Variants in LCORL observed in about 807,000 individuals in gnomAD.
The protein encoded by LCORL is ligand-dependent nuclear receptor corepressor-like protein.
A neutral mutation model predicts 141.8 loss-of-function variants in LCORL; 41 were observed. The ratio of observed to expected loss-of-function variants is 0.29; its 90% CI spans 0.23 to 0.38. The LOEUF (loss-of-function observed/expected upper bound fraction) is 0.38. LCORL is among the 10% of genes least tolerant of loss of function. The probability of loss-of-function intolerance (pLI) is 1.00; values close to 1 mark genes in which losing one functional copy is unlikely to be tolerated. For missense variants in LCORL, 1,759 were observed against 2,035.0 expected (o/e 0.86, Z 2.61); for synonymous variants, 618 against 694.1 (o/e 0.89, Z 1.72).
chr4:18,017,584 A>G (rs1445033319), intron 1 of LCORL, among the ~76,000 whole-genome samples: 2 of 152,134 alleles, frequency 1.3e-5, no homozygotes, highest in Non-Finnish European at 2.9e-5. Context: ...AAAGCAACAG[A>G]TAAATTCAAA....
intron 7 of LCORL, among the ~76,000 whole-genome samples, chr4:17,847,426 G>A (rs1370685120): frequency 6.6e-6 from 1 of 152,068 alleles, no homozygotes; most frequent in Non-Finnish European, 1.5e-5. Context: ...GTTATATCCT[G>A]TTTTACCACC....
rs184294188 is a variant in LCORL at position 17,860,876 on chromosome 4, G to A, written c.5602+12512C>T. 6.4e-3 allele frequency among the ~76,000 whole-genome samples: 978 copies of A among 152,286 alleles called. 16 individuals are homozygous for A. The highest frequency in any genetic ancestry group is 0.023 in the African/African-American group (940 of 41,570). On this transcript the variant is annotated intron_variant, in intron 7 of 7. Coordinates refer to ENST00000635767, the Ensembl canonical transcript of LCORL. Reference sequence around the variant, plus strand: ...GCAGGGCAGTCAAATAAAGCTCTAAGATGATCTCCTTTGACTCCATGTCTC... The same window carrying A: ...GCAGGGCAGTCAAATAAAGCTCTAAAATGATCTCCTTTGACTCCATGTCTC...
intron 7 of LCORL, among the ~76,000 whole-genome samples, chr4:17,864,610 G>A (rs1024634255): frequency 6.6e-6 from 1 of 152,194 alleles, no homozygotes; most frequent in Non-Finnish European, 1.5e-5. Flanking sequence ...ACAAATAGTA[G>A]GTGGGACAAA....
At chr4:17,958,889 C>T (rs1359899144) in intron 4 of LCORL, among the ~76,000 whole-genome samples, 3 of 151,990 alleles carry the variant, frequency 2.0e-5, no homozygotes, top group African/African-American at 7.2e-5. Flanking sequence ...TACTCTAGCA[C>T]TCTAGTTAAT....
rs1416325477 is a variant in LCORL at position 17,971,818 on chromosome 4, T to C, written c.220+1002A>G. Among the ~76,000 whole-genome samples the C allele has an allele frequency of 3.3e-5, 5 of 151,630 alleles. No homozygotes were observed. The South Asian group carries it at 6.2e-4, about 19-fold the overall frequency. On this transcript the variant is annotated intron_variant, in intron 2 of 7. Transcript: ENST00000635767. ...AATTTATAAGCAGTATGTAACACTT[T>C]GGGAACATCCTAAAATAATAAATTG...
At chr4:17,938,968 A>G (rs1737357284) in intron 4 of LCORL, among the ~76,000 whole-genome samples, 2 of 152,222 alleles carry the variant, frequency 1.3e-5, no homozygotes, top group Non-Finnish European at 2.9e-5. Flanking sequence ...AATTAGGGAC[A>G]AAGTCTATAA....
At chr4:17,924,970 G>T (rs1734893406) in intron 4 of LCORL, among the ~76,000 whole-genome samples, 1 of 152,146 alleles carries the variant, frequency 6.6e-6, no homozygotes, top group Admixed American at 6.5e-5. Context: ...GTCAAGGGGT[G>T]GAAGTTGAAA....
chr4:17,854,999 C>G (rs1724186805), intron 7 of LCORL, among the ~76,000 whole-genome samples: 1 of 152,088 alleles, frequency 6.6e-6, no homozygotes, highest in African/African-American at 2.4e-5. Context: ...TGCTTAATAA[C>G]TAGTAAGTAT....
intron 6 of LCORL, among the ~76,000 whole-genome samples, chr4:17,879,361 T>C (rs967399875): frequency 2.0e-5 from 3 of 151,044 alleles, no homozygotes; most frequent in Admixed American, 6.6e-5. Flanking sequence ...TTTAAACATG[T>C]GATCAAAACT....
At position 18,021,541 on chromosome 4, in the gene LCORL, G is replaced by A. The variant is rs2109924980; in HGVS notation, c.154+57C>T. 1.4e-6 allele frequency: 2 copies of A among 1,451,138 alleles called. No individual in the cohort carries two copies. Among genetic ancestry groups the A allele is most frequent in the East Asian group, 5.6e-5 (2 of 35,534 alleles). The allele number at this position is 1,451,138 out of a possible 1,614,324, so 89.9% of individuals were successfully genotyped here. A position where few individuals can be genotyped will look rare whatever the true frequency, so the allele number is the denominator to read the frequency against. On this transcript the variant is annotated intron_variant, in intron 1 of 7. Transcript: ENST00000635767. This position sits in a 1 kb window ranked among gnomAD's most constrained non-coding sequence, Gnocchi z 5.5. Reference sequence around the variant, plus strand: ...TAAACCCCTCAGCCACAAACTCCTCGGGCTGCGACAGCGGTCGCCGCGCGG... The same window carrying A: ...TAAACCCCTCAGCCACAAACTCCTCAGGCTGCGACAGCGGTCGCCGCGCGG...
At chr4:17,912,168 C>A in intron 4 of LCORL, 1 of 1,022,780 alleles carries the variant, frequency 9.8e-7, no homozygotes, top group Non-Finnish European at 1.5e-6. Context: ...TCGACAATGC[C>A]CGTCTTGCTG....
At chr4:17,927,114 T>C (rs541176487) in intron 4 of LCORL, among the ~76,000 whole-genome samples, 1 of 152,252 alleles carries the variant, frequency 6.6e-6, no homozygotes, top group Admixed American at 6.5e-5. Flanking sequence ...GATAGCCTGC[T>C]GCAGCTTCCG....
At chr4:17,842,400 A>C in exon 8 of LCORL, 1 of 1,595,596 alleles carries the variant, frequency 6.3e-7, no homozygotes, top group African/African-American at 1.3e-5. Flanking sequence ...CATGTCTAGA[A>C]TATATGGAGG....
chr4:17,852,076 A>G (rs1023078527), intron 7 of LCORL, among the ~76,000 whole-genome samples: 2 of 152,060 alleles, frequency 1.3e-5, no homozygotes, highest in African/African-American at 2.4e-5. Context: ...ATTAGTTTAT[A>G]TCTCTTATGG....
At chr4:17,937,079 T>G (rs1227120307) in intron 4 of LCORL, among the ~76,000 whole-genome samples, 2 of 152,206 alleles carry the variant, frequency 1.3e-5, no homozygotes, top group Non-Finnish European at 1.5e-5. Flanking sequence ...ACCCCCATAA[T>G]CCTTCTGAAC....
chr4:17,946,079 G>A (rs140337148), intron 4 of LCORL, among the ~76,000 whole-genome samples: 75 of 151,910 alleles, frequency 4.9e-4, no homozygotes, highest in Non-Finnish European at 9.7e-4. Flanking sequence ...CAAAATTTGT[G>A]GCAGGAAAAC....
chr4:17,899,785 T>G (rs539199356), intron 5 of LCORL, among the ~76,000 whole-genome samples: 1 of 152,296 alleles, frequency 6.6e-6, no homozygotes, highest in South Asian at 2.1e-4. Flanking sequence ...GGGTTGGTGA[T>G]CAACTTTATA....
chr4:17,974,639 T>C (rs1414046772), intron 1 of LCORL, among the ~76,000 whole-genome samples: 8 of 152,254 alleles, frequency 5.3e-5, no homozygotes, highest in East Asian at 1.9e-4. Flanking sequence ...AACAGAGTAA[T>C]GCTGGCCTCA....
chr4:17,882,824 T>C (rs1015259021), intron 6 of LCORL: 94 of 984,598 alleles, frequency 9.5e-5, no homozygotes, highest in Non-Finnish European at 1.1e-4. Flanking sequence ...ACCAAAATTA[T>C]CATTCTCAAG....
Sources: gnomAD v4.1 joint callset for allele counts (sites outside exome capture counted in the v4.1 genomes callset) on GRCh38, gnomAD v4.1.1 for gene constraint, Gnocchi (gnomAD v3.1) non-coding constraint, MANE v1.5 for transcripts, NCBI Gene and HGNC (gene_info 2026-07-23, HGNC 2026-07-21) for gene names.